The following CCDC171 variants were observed in gnomAD, a reference collection of about 807,000 sequenced individuals.
CCDC171 encodes coiled-coil domain-containing protein 171.
CCDC171 carries 177 observed loss-of-function variants against 168.2 expected under a neutral mutation model. The ratio of observed to expected loss-of-function variants is 1.05; its 90% CI spans 0.93 to 1.19. The LOEUF (loss-of-function observed/expected upper bound fraction) is 1.19, where lower values mean the gene tolerates loss of function less well. Ranked by LOEUF, CCDC171 falls within the 50% of genes most tolerant of loss-of-function variation. The pLI, the probability that CCDC171 is intolerant of heterozygous loss-of-function variation, is 0.00. For missense variants in CCDC171, 1,991 were observed against 1,539.0 expected, an observed-to-expected ratio of 1.29 and a Z score of -4.91; for synonymous variants, 687 against 540.8, an observed-to-expected ratio of 1.27 and a Z score of -3.75.
Position 15,845,560 on chromosome 9 carries a change from C to G in CCDC171, c.3268-1142C>G, listed in dbSNP as rs200487073. On this transcript the variant is annotated intron_variant, in intron 21 of 25. Coordinates refer to ENST00000380701, the MANE Select transcript of CCDC171 (RefSeq NM_173550.4). ...ATACTATTCTTTTTTTTATACTACC[C>G]ATTGTGAATGCACTAAAAGAATACT... is the stretch of plus-strand genomic sequence containing the variant. The G allele has an allele frequency of 4.6e-5, 7 of 151,772 alleles. No individual in the cohort carries two copies. In the East Asian group the frequency reaches 1.4e-3, roughly 29 times the overall value. 9.4% of individuals were successfully genotyped at this position (151,772 alleles called of 1,614,324 possible). A position where few individuals can be genotyped will look rare whatever the true frequency, so the allele number is the denominator to read the frequency against.
chr9:15,891,630 A>C (rs1446535943), intron 24 of CCDC171, among the ~76,000 whole-genome samples: 1 of 152,178 alleles, frequency 6.6e-6, no homozygotes, highest in African/African-American at 2.4e-5. Context: ...AGGCACTTCA[A>C]ATATAATCCA....
chr9:15,738,694 A>G (rs1363114481), intron 16 of CCDC171, among the ~76,000 whole-genome samples: 2 of 152,202 alleles, frequency 1.3e-5, no homozygotes, highest in South Asian at 2.1e-4. Flanking sequence ...TTCTTCAAGA[A>G]TAATTCACAG....
chr9:15,780,008 T>C (rs140272619), intron 20 of CCDC171, among the ~76,000 whole-genome samples: 1 of 152,364 alleles, frequency 6.6e-6, no homozygotes, highest in Admixed American at 6.5e-5. Flanking sequence ...TACTATAACT[T>C]CAGTTTAAAT....
the CCDC171 span, among the ~76,000 whole-genome samples, chr9:16,070,805 A>G: frequency 1.8e-4 from 28 of 152,004 alleles, no homozygotes; most frequent in African/African-American, 6.5e-4. Context: ...CCCACTCTCC[A>G]CCTCTCTGAC....
intron 24 of CCDC171, among the ~76,000 whole-genome samples, chr9:15,892,073 A>G (rs1293367958): frequency 1.3e-5 from 2 of 152,190 alleles, no homozygotes; most frequent in South Asian, 2.1e-4. Context: ...CTGCGTTTCA[A>G]TATGAAATTT....
At chr9:15,908,698 A>G (rs1013755762) in intron 24 of CCDC171, among the ~76,000 whole-genome samples, 1 of 152,062 alleles carries the variant, frequency 6.6e-6, no homozygotes, top group African/African-American at 2.4e-5. Context: ...TAAAGAAAAG[A>G]AATTTAATTG....
At chr9:15,754,824 T>G in intron 18 of CCDC171, among the ~76,000 whole-genome samples, 1 of 152,296 alleles carries the variant, frequency 6.6e-6, no homozygotes, top group Non-Finnish European at 1.5e-5. Flanking sequence ...TGATTACTGG[T>G]TTGCTTGCTT....
intron 18 of CCDC171, 113 bp from the exon 19 acceptor site, chr9:15,777,487 A>G (rs1372328558): frequency 1.1e-5 from 7 of 610,376 alleles, no homozygotes; most frequent in Non-Finnish European, 1.9e-5. Flanking sequence ...GAATTACTAC[A>G]GGTGAATGGG....
At chr9:15,664,271 C>G (rs1401249249) in intron 8 of CCDC171, among the ~76,000 whole-genome samples, 1 of 151,920 alleles carries the variant, frequency 6.6e-6, no homozygotes, top group African/African-American at 2.4e-5. Context: ...ATTTTTGAGA[C>G]AGGTTCTTGC....
chr9:15,607,710 G>T (rs991571472), intron 6 of CCDC171, among the ~76,000 whole-genome samples: 2 of 152,032 alleles, frequency 1.3e-5, no homozygotes, highest in Non-Finnish European at 2.9e-5. Context: ...TGATCCACCC[G>T]CCTTGGCCTA....
intron 1 of CCDC171, among the ~76,000 whole-genome samples, chr9:16,057,456 TG>T (rs1432713417): frequency 1.4e-4 from 21 of 152,346 alleles, no homozygotes; most frequent in Admixed American, 9.1e-4. Context: ...TGTTTTGTTT[TG>T]TTTTTTTGTT....
At chr9:15,840,361 G>C (rs936744110) in intron 21 of CCDC171, among the ~76,000 whole-genome samples, 1 of 151,920 alleles carries the variant, frequency 6.6e-6, no homozygotes, top group Non-Finnish European at 1.5e-5. Flanking sequence ...TTCATAGCTC[G>C]ACTCGTTTAA....
intron 20 of CCDC171, 145 bp from the exon 21 acceptor site, chr9:15,784,364 T>C (rs770388352): frequency 1.9e-5 from 9 of 474,580 alleles, no homozygotes; most frequent in African/African-American, 1.2e-4. Context: ...TCTTGACTTA[T>C]GCAATTAAGA....
chr9:15,624,977 T>C (rs967544388), intron 7 of CCDC171, among the ~76,000 whole-genome samples: 1 of 152,316 alleles, frequency 6.6e-6, no homozygotes, highest in Non-Finnish European at 1.5e-5. Flanking sequence ...CCAGCACCTG[T>C]TGTTTCTTGA....
chr9:15,717,211 A>G (rs945177145), intron 11 of CCDC171, among the ~76,000 whole-genome samples: 4 of 152,150 alleles, frequency 2.6e-5, no homozygotes, highest in African/African-American at 7.2e-5. Context: ...GGGACTTTGC[A>G]TTGAAGCTCA....
At chr9:15,963,331 GA>G (rs1038480998) in intron 25 of CCDC171, among the ~76,000 whole-genome samples, 2 of 151,024 alleles carry the variant, frequency 1.3e-5, no homozygotes, top group East Asian at 1.9e-4. Context: ...TAAAGTGTGT[GA>G]AAAAAAATCA....
chr9:15,824,402 A>T (rs1231386104), intron 21 of CCDC171, among the ~76,000 whole-genome samples: 17 of 151,970 alleles, frequency 1.1e-4, no homozygotes. Flanking sequence ...TGTTAGAAAT[A>T]TATTCTGTGA....
At chr9:16,069,503 CAG>C in the CCDC171 span, among the ~76,000 whole-genome samples, 1 of 152,222 alleles carries the variant, frequency 6.6e-6, no homozygotes, top group Non-Finnish European at 1.5e-5. Context: ...GAAGGAGGAG[CAG>C]ATGTGGACCC....
At chr9:15,643,956 ATC>A (rs1229306601) in intron 7 of CCDC171, among the ~76,000 whole-genome samples, 2 of 152,080 alleles carry the variant, frequency 1.3e-5, no homozygotes, top group Admixed American at 6.5e-5. Context: ...GATTCACAAC[ATC>A]TTGTTTATTC....
Sources: allele counts gnomAD v4.1 joint callset (sites outside exome capture counted in the v4.1 genomes callset), GRCh38; gene constraint gnomAD v4.1.1; transcripts MANE v1.5; gene names NCBI Gene and HGNC (gene_info 2026-07-23, HGNC 2026-07-21).